TMPRSS2: variants seen among roughly 807,000 people sequenced by gnomAD.
TMPRSS2 encodes transmembrane serine protease 2.
TMPRSS2 carries 59 observed loss-of-function variants against 67.4 expected under a neutral mutation model. The observed-to-expected ratio is 0.88, with a 90% CI of 0.71 to 1.09. TMPRSS2 has a LOEUF of 1.09. Ranked by LOEUF, TMPRSS2 falls within the 50% of genes least tolerant of loss-of-function variation. The probability of loss-of-function intolerance (pLI) is 0.00; values close to 1 mark genes in which losing one functional copy is unlikely to be tolerated. For missense variants in TMPRSS2, 668 were observed against 642.7 expected (o/e 1.04, Z -0.43); for synonymous variants, 257 against 257.0 (o/e 1.00, Z 0.00).
chr21:41,492,011 A>G (rs1354287161), intron 3 of TMPRSS2, among the ~76,000 whole-genome samples: 2 of 152,210 alleles, frequency 1.3e-5, no homozygotes, highest in African/African-American at 4.8e-5. Flanking sequence ...CCTGGCCAGC[A>G]TGGCAAAACC....
chr21:41,476,729 G>C (rs2091216784), intron 7 of TMPRSS2, 109 bp from the exon 8 acceptor site: 6 of 977,908 alleles, frequency 6.1e-6, no homozygotes, highest in Non-Finnish European at 9.8e-6. Context: ...TGTCTTCTGA[G>C]ACATAGAAGG....
rs745767347 is a variant in TMPRSS2 at position 41,489,529 on chromosome 21, G to C, written c.303C>G (p.Ala101=). ...TACTGAACTTCCAGAGTAGGCCAGC[G>C]GCCAGCGCAGCTCCCACGAGGAAGG... The part of the protein sequence containing the change: ...LGTFLVGAAL[A]AGLLWKFMGS... The change falls in exon 4 of 14, where the codon GCC becomes GCG. Residue 101 remains alanine, a synonymous_variant. Transcript: ENST00000332149. 117 of 1,613,984 alleles carry C rather than the reference G, an allele frequency of 7.2e-5. No homozygotes were observed. Among genetic ancestry groups the C allele is most frequent in the Non-Finnish European group, 9.3e-5 (110 of 1,179,998 alleles).
chr21:41,487,049 AG>A (rs2091303856), intron 5 of TMPRSS2: 1 of 152,258 alleles, frequency 6.6e-6, no homozygotes, highest in Admixed American at 6.5e-5. Flanking sequence ...TTATATCCAA[AG>A]GAAAGGAAAT....
chr21:41,497,262 C>G (rs2091390559), intron 2 of TMPRSS2, among the ~76,000 whole-genome samples: 1 of 152,120 alleles, frequency 6.6e-6, no homozygotes, highest in Non-Finnish European at 1.5e-5. Context: ...AAGTTGATTA[C>G]AATGGAATGA....
intron 5 of TMPRSS2, among the ~76,000 whole-genome samples, chr21:41,480,856 T>C (rs1437796663): frequency 6.6e-6 from 1 of 152,182 alleles, no homozygotes; most frequent in Admixed American, 6.5e-5. Context: ...CAGGCTGGTC[T>C]TGAACTCCTG....
intron 4 of TMPRSS2, among the ~76,000 whole-genome samples, chr21:41,489,092 C>G (rs1012242588): frequency 6.6e-6 from 1 of 152,224 alleles, no homozygotes; most frequent in Non-Finnish European, 1.5e-5. Flanking sequence ...CTCTGCCACA[C>G]AGGTAACTTG....
At chr21:41,501,585 G>T (rs923968548) in intron 1 of TMPRSS2, among the ~76,000 whole-genome samples, 6 of 133,670 alleles carry the variant, frequency 4.5e-5, no homozygotes, top group African/African-American at 1.7e-4. Flanking sequence ...CTCCAGCCTG[G>T]GTGACAGAGA....
chr21:41,498,230 G>C (rs2146494888), intron 1 of TMPRSS2, 41 bp from the exon 2 acceptor site: 1 of 1,385,688 alleles, frequency 7.2e-7, no homozygotes, highest in Non-Finnish European at 1.0e-6. Context: ...TTCCATACCA[G>C]TTAGTTTTTA....
chr21:41,502,622 C>T (rs1483777916), intron 1 of TMPRSS2: 2 of 981,270 alleles, frequency 2.0e-6, no homozygotes, highest in East Asian at 2.3e-4. Flanking sequence ...ATGTTCTATC[C>T]TCCTAAGGAT....
intron 3 of TMPRSS2, among the ~76,000 whole-genome samples, chr21:41,490,618 G>T: frequency 6.6e-6 from 1 of 152,236 alleles, no homozygotes; most frequent in East Asian, 1.9e-4. Context: ...TTTGGAAAAG[G>T]TCACTGATTT....
chr21:41,473,219 A>C, intron 9 of TMPRSS2, 106 bp downstream of exon 9: 1 of 1,310,680 alleles, frequency 7.6e-7, no homozygotes, highest in Non-Finnish European at 1.0e-6. Flanking sequence ...CTCCCCATTT[A>C]AACACAAGGA....
chr21:41,471,865 G>A lies in TMPRSS2; in HGVS notation c.1016C>T (p.Ser339Phe), dbSNP rs1242962903. ...EKVISHPNYD[S>F]KTKNNDIALM... ...CGCAATGTCATTGTTCTTGGTCTTG[G>A]AGTCATAATTTGGATGAGAAATCAC... Residue 339 changes from serine (S) to phenylalanine (F), a missense_variant, in exon 10 of 14, where the codon TCC (serine) becomes TTC (phenylalanine). Physicochemically the swap from Ser to Phe is radical, Grantham distance 155. Coordinates refer to ENST00000332149, the MANE Select transcript of TMPRSS2 (RefSeq NM_005656.4). The A allele has an allele frequency of 8.7e-6, 14 of 1,613,420 alleles. No individual in the cohort carries two copies. Among genetic ancestry groups the A allele is most frequent in the South Asian group, 2.2e-5 (2 of 91,074 alleles).
intron 2 of TMPRSS2, among the ~76,000 whole-genome samples, chr21:41,495,567 G>A (rs989914678): frequency 1.4e-5 from 2 of 147,192 alleles, no homozygotes; most frequent in Non-Finnish European, 3.0e-5. Context: ...GGAAGTTGCA[G>A]TGAATGGAGA....
chr21:41,472,716 A>G (rs1478493989), intron 9 of TMPRSS2, among the ~76,000 whole-genome samples: 1 of 152,204 alleles, frequency 6.6e-6, no homozygotes, highest in Non-Finnish European at 1.5e-5. Context: ...CTGGGCCAAC[A>G]GTCAAACCCA....
chr21:41,467,984 G>C, intron 12 of TMPRSS2, 98 bp from the exon 13 acceptor site: 2 of 1,383,448 alleles, frequency 1.4e-6, no homozygotes, highest in Non-Finnish European at 1.0e-6. Flanking sequence ...GGGGGTCGCA[G>C]TGTGAGTTAC....
chr21:41,504,479 A>T (rs1383925214), intron 1 of TMPRSS2, among the ~76,000 whole-genome samples: 2 of 152,120 alleles, frequency 1.3e-5, no homozygotes, highest in Non-Finnish European at 2.9e-5. Context: ...TCGACTCCCA[A>T]CCAGCGCATT....
intron 5 of TMPRSS2, among the ~76,000 whole-genome samples, chr21:41,482,347 C>T (rs1874524643): frequency 6.6e-6 from 1 of 152,154 alleles, no homozygotes; most frequent in Non-Finnish European, 1.5e-5. Context: ...AACAGAATCC[C>T]ATGCAGCTTA....
chr21:41,475,991 AT>A, intron 8 of TMPRSS2, among the ~76,000 whole-genome samples: 1 of 152,028 alleles, frequency 6.6e-6, no homozygotes, highest in Non-Finnish European at 1.5e-5. Context: ...GCACTGGGCC[AT>A]CCCAGAGGAG....
chr21:41,498,243 A>G, intron 1 of TMPRSS2, 54 bp from the exon 2 acceptor site: 1 of 1,256,680 alleles, frequency 8.0e-7, no homozygotes, highest in Non-Finnish European at 1.1e-6. Flanking sequence ...AGTTTTTAGA[A>G]GATAAATCTG....
Sources: allele counts gnomAD v4.1 joint callset (sites outside exome capture counted in the v4.1 genomes callset), GRCh38; gene constraint gnomAD v4.1.1; transcripts MANE v1.5; gene names NCBI Gene and HGNC (gene_info 2026-07-23, HGNC 2026-07-21).